The following EXOC4 variants were observed in gnomAD, a reference collection of about 807,000 sequenced individuals.
EXOC4 encodes SEC8-like 1.
In EXOC4, 71 loss-of-function variants were observed where a neutral mutation model predicts 107.2. The ratio of observed to expected loss-of-function variants is 0.66; its 90% CI spans 0.55 to 0.81. The LOEUF (loss-of-function observed/expected upper bound fraction) is 0.81, where lower values mean the gene tolerates loss of function less well. EXOC4 is among the 30% of genes least tolerant of loss of function. EXOC4 has a pLI of 0.00. For synonymous variants in EXOC4, 456 were observed against 441.2 expected (o/e 1.03, Z -0.42); for missense variants, 1,108 against 1,189.6 (o/e 0.93, Z 1.01).
At chr7:133,712,217 A>G (rs936582315) in intron 10 of EXOC4, among the ~76,000 whole-genome samples, 2 of 152,092 alleles carry the variant, frequency 1.3e-5, no homozygotes, top group Admixed American at 1.3e-4. Context: ...AGGTGGGCAA[A>G]TCACCTGATG....
intron 10 of EXOC4, among the ~76,000 whole-genome samples, chr7:133,741,703 C>T (rs1023538417): frequency 1.3e-5 from 2 of 152,152 alleles, no homozygotes; most frequent in African/African-American, 4.8e-5. Context: ...TATTTTTCAG[C>T]TTTCATTTCT....
intron 14 of EXOC4, among the ~76,000 whole-genome samples, chr7:133,995,709 CT>C (rs938075559): frequency 1.9e-4 from 29 of 151,580 alleles, no homozygotes; most frequent in African/African-American, 6.5e-4. Context: ...GAACTACATT[CT>C]TTTTTTTTAT....
intron 9 of EXOC4, among the ~76,000 whole-genome samples, chr7:133,526,322 CTCTT>C (rs768373826): frequency 1.3e-5 from 2 of 152,132 alleles, no homozygotes; most frequent in Non-Finnish European, 2.9e-5. Context: ...ATCTTGATGA[CTCTT>C]TCTTTATTCA....
chr7:133,747,005 G>T (rs1795690633), intron 10 of EXOC4, among the ~76,000 whole-genome samples: 2 of 152,114 alleles, frequency 1.3e-5, no homozygotes, highest in South Asian at 4.2e-4. Flanking sequence ...TATTGACTGG[G>T]TAATACTAGT....
chr7:133,712,225 A>G (rs147255509), intron 10 of EXOC4, among the ~76,000 whole-genome samples: 2 of 152,168 alleles, frequency 1.3e-5, no homozygotes, highest in African/African-American at 4.8e-5. Context: ...AAATCACCTG[A>G]TGTTGGGAGT....
intron 9 of EXOC4, among the ~76,000 whole-genome samples, chr7:133,558,967 A>G (rs1313726581): frequency 1.3e-5 from 2 of 152,216 alleles, no homozygotes; most frequent in Non-Finnish European, 2.9e-5. Flanking sequence ...GCATAGGAGG[A>G]GAAATTCTTG....
intron 7 of EXOC4, among the ~76,000 whole-genome samples, chr7:133,462,669 T>G (rs1054024542): frequency 6.6e-6 from 1 of 152,120 alleles, no homozygotes; most frequent in Admixed American, 6.6e-5. Flanking sequence ...ACCCCAAGCT[T>G]TAAAAAAATT....
chr7:133,494,693 C>T (rs1319569218), intron 9 of EXOC4, among the ~76,000 whole-genome samples: 1 of 152,128 alleles, frequency 6.6e-6, no homozygotes, highest in African/African-American at 2.4e-5. Context: ...GATGTAGTTG[C>T]CCTAAAATAG....
At chr7:133,558,790 T>C (rs1467156547) in intron 9 of EXOC4, among the ~76,000 whole-genome samples, 1 of 152,202 alleles carries the variant, frequency 6.6e-6, no homozygotes, top group Non-Finnish European at 1.5e-5. Context: ...TAATACACTT[T>C]CATTTGCTCA....
chr7:133,940,526 C>T (rs1800401609), intron 14 of EXOC4, among the ~76,000 whole-genome samples: 1 of 152,142 alleles, frequency 6.6e-6, no homozygotes, highest in South Asian at 2.1e-4. Context: ...TTTTGAGGAT[C>T]AGTGCAAAAC....
chr7:133,531,611 G>C (rs1800182800), intron 9 of EXOC4, among the ~76,000 whole-genome samples: 2 of 152,088 alleles, frequency 1.3e-5, no homozygotes, highest in Middle Eastern at 6.8e-3. Flanking sequence ...CCACAGTCAG[G>C]GTCCAAAGTT....
At chr7:133,339,906 G>GA (rs1795618197) in intron 5 of EXOC4, among the ~76,000 whole-genome samples, 1 of 152,130 alleles carries the variant, frequency 6.6e-6, no homozygotes, top group East Asian at 1.9e-4. Flanking sequence ...GAGCTTTTTG[G>GA]ATGAATCTTT....
At chr7:133,617,643 A>T (rs779402302) in intron 9 of EXOC4, among the ~76,000 whole-genome samples, 6 of 152,148 alleles carry the variant, frequency 3.9e-5, no homozygotes, top group African/African-American at 4.8e-5. Flanking sequence ...CATCCCCATC[A>T]TCTACATAAA....
chr7:133,929,794 C>T (rs1044178949), intron 13 of EXOC4, among the ~76,000 whole-genome samples: 1 of 152,082 alleles, frequency 6.6e-6, no homozygotes, highest in African/African-American at 2.4e-5. Context: ...CATTTTGCCC[C>T]TGCCAAGGTT....
At chr7:133,301,838 T>C (rs1347381916) in intron 3 of EXOC4, among the ~76,000 whole-genome samples, 3 of 152,200 alleles carry the variant, frequency 2.0e-5, no homozygotes, top group Non-Finnish European at 4.4e-5. Flanking sequence ...CTGCTGAGAA[T>C]GGCCAAGTTT....
At chr7:133,354,446 A>T (rs1314030238) in intron 5 of EXOC4, among the ~76,000 whole-genome samples, 1 of 152,020 alleles carries the variant, frequency 6.6e-6, no homozygotes, top group Non-Finnish European at 1.5e-5. Context: ...TCACCTTATA[A>T]TTTTTTCAAT....
chr7:133,589,460 G>A (rs1801488012), intron 9 of EXOC4, among the ~76,000 whole-genome samples: 1 of 152,186 alleles, frequency 6.6e-6, no homozygotes, highest in African/African-American at 2.4e-5. Flanking sequence ...GGATCACACT[G>A]GTAAAGCCAT....
At chr7:133,606,907 T>C (rs1801962388) in intron 9 of EXOC4, among the ~76,000 whole-genome samples, 1 of 152,202 alleles carries the variant, frequency 6.6e-6, no homozygotes, top group African/African-American at 2.4e-5. Flanking sequence ...CTTTCTCTTC[T>C]CCCTAAAAAT....
intron 9 of EXOC4, among the ~76,000 whole-genome samples, chr7:133,610,476 G>A (rs745793420): frequency 6.6e-6 from 1 of 152,066 alleles, no homozygotes; most frequent in Non-Finnish European, 1.5e-5. Flanking sequence ...GTTCCAACCT[G>A]TTTATTTTAA....
Sources: gnomAD v4.1 joint callset for allele counts (sites outside exome capture counted in the v4.1 genomes callset) on GRCh38, gnomAD v4.1.1 for gene constraint, MANE v1.5 for transcripts, NCBI Gene and HGNC (gene_info 2026-07-23, HGNC 2026-07-21) for gene names.